Variants in NR3C2 observed in about 807,000 individuals in gnomAD.
NR3C2 encodes nuclear receptor subfamily 3 group C member 2.
NR3C2 carries 15 observed loss-of-function variants against 86.4 expected under a neutral mutation model. That is an observed-to-expected ratio of 0.17 (90% CI 0.12 to 0.27). The LOEUF is 0.27. Among genes scored for constraint, NR3C2 ranks in the 10% least tolerant of loss-of-function variants. NR3C2 has a pLI of 1.00. For synonymous variants in NR3C2, 458 were observed against 450.5 expected (o/e 1.02, Z -0.21); for missense variants, 960 against 1,195.6 (o/e 0.80, Z 2.91).
chr4:148,110,730 G>A (rs1732011390), intron 8 of NR3C2, among the ~76,000 whole-genome samples: 1 of 152,176 alleles, frequency 6.6e-6, no homozygotes, highest in African/African-American at 2.4e-5. Flanking sequence ...GAATTAAAAT[G>A]ATTCTAATGA....
intron 2 of NR3C2, among the ~76,000 whole-genome samples, chr4:148,432,963 C>T (rs1749862152): frequency 6.6e-6 from 1 of 152,074 alleles, no homozygotes; most frequent in Non-Finnish European, 1.5e-5. Flanking sequence ...GGAAATTTAG[C>T]TGGCACAAAA....
intron 2 of NR3C2, among the ~76,000 whole-genome samples, chr4:148,381,750 C>T (rs1170071124): frequency 2.0e-5 from 3 of 152,296 alleles, no homozygotes; most frequent in South Asian, 2.1e-4. Flanking sequence ...GGTATGCTCA[C>T]TTTATCATTT....
chr4:148,326,729 C>T (rs1021628254), intron 2 of NR3C2, among the ~76,000 whole-genome samples: 4 of 151,838 alleles, frequency 2.6e-5, no homozygotes, highest in South Asian at 2.1e-4. Flanking sequence ...GAGACAAGGA[C>T]GACAGAGTTA....
chr4:148,320,905 C>T (rs1335178893), intron 2 of NR3C2, among the ~76,000 whole-genome samples: 3 of 148,746 alleles, frequency 2.0e-5, no homozygotes, highest in East Asian at 4.0e-4. Flanking sequence ...TTAGTTATTT[C>T]TTGCCTTCTG....
chr4:148,423,706 T>TATC (rs1237184573), intron 2 of NR3C2, among the ~76,000 whole-genome samples: 1 of 152,084 alleles, frequency 6.6e-6, no homozygotes, highest in Admixed American at 6.6e-5. Context: ...GAAAATTGCC[T>TATC]ATTATTATTA....
Position 148,225,805 on chromosome 4 carries a change from T to C in NR3C2, c.1898-30943A>G, listed in dbSNP as rs565636196. 5.8e-4 allele frequency among the ~76,000 whole-genome samples: 88 copies of C among 152,238 alleles called. 1 individual carries two copies. Among genetic ancestry groups the C allele is most frequent in the Admixed American group, 5.8e-3 (88 of 15,284 alleles). ...CAAGGTACTTAACAGCAGATTCATC[T>C]TGGAGATTATAATCCTAATGTTTTC... On this transcript the variant is annotated intron_variant, in intron 3 of 8. Coordinates refer to ENST00000358102, the MANE Select transcript of NR3C2 (RefSeq NM_000901.5).
intron 8 of NR3C2, among the ~76,000 whole-genome samples, chr4:148,086,162 A>G (rs1260021620): frequency 2.6e-5 from 4 of 152,236 alleles, no homozygotes; most frequent in South Asian, 2.1e-4. Flanking sequence ...CAAACCTTGC[A>G]GAGACACAAC....
At chr4:148,190,117 G>C (rs1736126489) in intron 4 of NR3C2, among the ~76,000 whole-genome samples, 1 of 152,018 alleles carries the variant, frequency 6.6e-6, no homozygotes. Flanking sequence ...CTACTTCTTT[G>C]AGTTGTGACC....
At chr4:148,381,861 C>T (rs907619) in intron 2 of NR3C2, among the ~76,000 whole-genome samples, 2,833 of 152,228 alleles carry the variant, frequency 0.019, 91 homozygotes, top group African/African-American at 0.066. Flanking sequence ...TCTAACCACC[C>T]CAATATACCT....
Position 148,419,671 on chromosome 4 carries a change from GT to G in NR3C2, c.1757+15432del, listed in dbSNP as rs558227845. Among the ~76,000 whole-genome samples the G allele has an allele frequency of 9.9e-5, 15 of 152,204 alleles. No individual in the cohort carries two copies. The East Asian group carries it at 1.2e-3, about 12-fold the overall frequency. The stretch of plus-strand genomic sequence containing the variant: ...ACTGATGATCAATCTGCAGTGTACT[GT>G]TTTGGAAAACATTCTGATTACCATT... On this transcript the variant is annotated intron_variant, in intron 2 of 8. Coordinates refer to ENST00000358102, the MANE Select transcript of NR3C2 (RefSeq NM_000901.5).
At chr4:148,112,856 T>G (rs1732104721) in intron 8 of NR3C2, among the ~76,000 whole-genome samples, 1 of 152,168 alleles carries the variant, frequency 6.6e-6, no homozygotes, top group Non-Finnish European at 1.5e-5. Flanking sequence ...AATAATACCA[T>G]TATAATACTG....
chr4:148,385,332 A>G (rs1398039888), intron 2 of NR3C2, among the ~76,000 whole-genome samples: 3 of 152,216 alleles, frequency 2.0e-5, no homozygotes, highest in Admixed American at 2.0e-4. Context: ...TTCAAGGTCA[A>G]CCCTGGCAAC....
chr4:148,395,509 G>A (rs1747815987), intron 2 of NR3C2, among the ~76,000 whole-genome samples: 1 of 152,206 alleles, frequency 6.6e-6, no homozygotes, highest in Admixed American at 6.5e-5. Flanking sequence ...AAAAGAAAAG[G>A]ACTGAAGCAA....
chr4:148,317,297 G>A (rs943349696), intron 2 of NR3C2, among the ~76,000 whole-genome samples: 4 of 151,390 alleles, frequency 2.6e-5, no homozygotes, highest in Non-Finnish European at 5.9e-5. Flanking sequence ...GGAGGTTGTG[G>A]TGAGCTGAGA....
At chr4:148,379,610 G>GA (rs1226235637) in intron 2 of NR3C2, among the ~76,000 whole-genome samples, 1 of 152,134 alleles carries the variant, frequency 6.6e-6, no homozygotes, top group African/African-American at 2.4e-5. Flanking sequence ...AACAGGAGTT[G>GA]ACAAGAGGTA....
chr4:148,374,057 A>T (rs576110498), intron 2 of NR3C2, among the ~76,000 whole-genome samples: 2 of 152,314 alleles, frequency 1.3e-5, no homozygotes, highest in East Asian at 3.9e-4. Flanking sequence ...TCTAGATTTT[A>T]TCTGTACTGG....
At chr4:148,392,686 A>C (rs1433074182) in intron 2 of NR3C2, among the ~76,000 whole-genome samples, 1 of 152,170 alleles carries the variant, frequency 6.6e-6, no homozygotes, top group East Asian at 1.9e-4. Flanking sequence ...AAAAATCTCA[A>C]ATTAGAGCTC....
chr4:148,262,551 C>T (rs754825081), intron 2 of NR3C2, among the ~76,000 whole-genome samples: 2 of 152,086 alleles, frequency 1.3e-5, no homozygotes, highest in South Asian at 2.1e-4. Flanking sequence ...TCTCAGTTAA[C>T]GGCAACTACT....
chr4:148,259,934 A>G, intron 3 of NR3C2, 44 bp downstream of exon 3: 1 of 1,612,946 alleles, frequency 6.2e-7, no homozygotes, highest in Non-Finnish European at 8.5e-7. Flanking sequence ...TAAACTACAC[A>G]CTAGGAAAAA....
Sources: gnomAD v4.1 joint callset for allele counts (sites outside exome capture counted in the v4.1 genomes callset) on GRCh38, gnomAD v4.1.1 for gene constraint, MANE v1.5 for transcripts, NCBI Gene and HGNC (gene_info 2026-07-23, HGNC 2026-07-21) for gene names.